Variants in JADE1 observed in about 807,000 individuals in gnomAD.
JADE1 encodes the protein jade family PHD finger 1, also known as protein Jade-1.
A neutral mutation model predicts 81.8 loss-of-function variants in JADE1; 14 were observed. The ratio of observed to expected loss-of-function variants is 0.17; its 90% CI spans 0.11 to 0.27. JADE1 has a LOEUF of 0.27. Ranked by LOEUF, JADE1 falls within the 10% of genes least tolerant of loss-of-function variation. The probability of loss-of-function intolerance (pLI) is 1.00; values close to 1 mark genes in which losing one functional copy is unlikely to be tolerated. For synonymous variants in JADE1, 353 were observed against 391.9 expected (o/e 0.90, Z 1.17); for missense variants, 690 against 1,047.9 (o/e 0.66, Z 4.71).
At chr4:128,827,892 G>T in intron 1 of JADE1, 1 of 985,208 alleles carries the variant, frequency 1.0e-6, no homozygotes, top group Non-Finnish European at 1.2e-6. Context: ...GTAATATGCT[G>T]TGTTACACAT....
intron 1 of JADE1, among the ~76,000 whole-genome samples, chr4:128,825,190 C>T (rs150847890): frequency 2.4e-3 from 373 of 152,276 alleles, no homozygotes; most frequent in Middle Eastern, 6.8e-3. Flanking sequence ...CAGGAATACA[C>T]CACCAAACCT....
intron 5 of JADE1, among the ~76,000 whole-genome samples, chr4:128,849,936 C>T (rs1191826042): frequency 1.3e-5 from 2 of 152,124 alleles, no homozygotes; most frequent in African/African-American, 4.8e-5. Context: ...AGCTTTTGTG[C>T]TGTAGGTACA....
intron 10 of JADE1, 148 bp downstream of exon 10, chr4:128,868,121 A>G (rs1731915734): frequency 2.0e-6 from 1 of 499,296 alleles, no homozygotes; most frequent in East Asian, 3.1e-5. Context: ...CTTTAATTTG[A>G]GGCATCATGT....
intron 9 of JADE1, chr4:128,862,736 C>G (rs936654719): frequency 2.0e-6 from 2 of 1,003,760 alleles, no homozygotes; most frequent in South Asian, 4.1e-5. Flanking sequence ...CACTGGCCCC[C>G]ACTTTGTTTC....
intron 5 of JADE1, among the ~76,000 whole-genome samples, chr4:128,850,158 G>A (rs1002237946): frequency 1.3e-5 from 2 of 151,600 alleles, no homozygotes; most frequent in Non-Finnish European, 2.9e-5. Flanking sequence ...GCTAGGCGTC[G>A]TGGTGGGTAT....
At chr4:128,820,311 C>T (rs2125800781) in intron 1 of JADE1, among the ~76,000 whole-genome samples, 1 of 152,182 alleles carries the variant, frequency 6.6e-6, no homozygotes, top group African/African-American at 2.4e-5. Flanking sequence ...AGGGTTTCAC[C>T]ATATTGGTCA....
rs749149316 is a variant in JADE1, at chr4:128,871,988, G to A, written c.2255G>A (p.Arg752Gln). 7.4e-6 allele frequency: 12 copies of A among 1,613,804 alleles called. No individual in the cohort carries two copies. Among genetic ancestry groups the A allele is most frequent in the Admixed American group, 1.7e-5 (1 of 59,986 alleles). ...ASPVKNWGGF[R>Q]IPKKGERQQQ... ...CCAGTGAAAAACTGGGGAGGATTCC[G>A]GATTCCAAAGAAGGGGGAACGGCAG... Residue 752 changes from arginine (R) to glutamine (Q), a missense_variant, in exon 11 of 11, where the codon CGG becomes CAG. Arg to Gln is a conservative substitution (Grantham distance 43). Transcript: ENST00000226319. This position sits in a 1 kb window ranked among gnomAD's most constrained non-coding sequence, Gnocchi z 4.1.
At chr4:128,848,649 T>TATTAAATCA (rs1487545810) in intron 4 of JADE1, among the ~76,000 whole-genome samples, 4 of 152,206 alleles carry the variant, frequency 2.6e-5, no homozygotes, top group Non-Finnish European at 5.9e-5. Context: ...GGGAAAGTGA[T>TATTAAATCA]TTAATGACTA....
chr4:128,849,209 A>T (rs747429380), intron 5 of JADE1, 42 bp downstream of exon 5: 6 of 1,523,528 alleles, frequency 3.9e-6, no homozygotes, highest in Non-Finnish European at 5.3e-6. Flanking sequence ...ACCAATGATG[A>T]ATAGAGACAT....
Position 128,813,100 on chromosome 4 carries a change from C to T in JADE1, c.-27+3223C>T, listed in dbSNP as rs1488087635. 2.0e-5 allele frequency among the ~76,000 whole-genome samples: 3 copies of T among 152,144 alleles called. No homozygotes were observed. In the East Asian group the frequency reaches 5.8e-4, roughly 29 times the overall value. ...TTTTAAGATAGAGGGAAATTATTTCCCTGAAAGCTGATTTAGGTAGTGACT... is the reference window on the plus strand; with the variant it reads ...TTTTAAGATAGAGGGAAATTATTTCTCTGAAAGCTGATTTAGGTAGTGACT... On this transcript the variant is annotated intron_variant, in intron 1 of 10. Coordinates refer to ENST00000226319, the MANE Select transcript of JADE1 (RefSeq NM_199320.4).
At chr4:128,848,829 GTT>G in intron 4 of JADE1, 149 bp from the exon 5 acceptor site, 1 of 689,894 alleles carries the variant, frequency 1.4e-6, no homozygotes, top group Non-Finnish European at 2.5e-6. Flanking sequence ...TCTAGTTAAG[GTT>G]TTATTAGCAG....
chr4:128,843,244 T>G (rs1337601804), intron 3 of JADE1, among the ~76,000 whole-genome samples: 1 of 152,252 alleles, frequency 6.6e-6, no homozygotes, highest in Non-Finnish European at 1.5e-5. Flanking sequence ...GACTAATACA[T>G]GCAAAGCATG....
intron 8 of JADE1, among the ~76,000 whole-genome samples, chr4:128,857,721 G>C (rs1226382543): frequency 6.6e-6 from 1 of 152,108 alleles, no homozygotes; most frequent in East Asian, 1.9e-4. Context: ...TTTGTCTCTC[G>C]CTACCCTTTC....
At chr4:128,810,875 G>A (rs963320470) in intron 1 of JADE1, among the ~76,000 whole-genome samples, 4 of 152,114 alleles carry the variant, frequency 2.6e-5, no homozygotes, top group African/African-American at 7.2e-5. Context: ...AGGAGTTGGC[G>A]TTGGTAGAGC....
Position 128,846,243 on chromosome 4 carries a change from A to G in JADE1, c.139-132A>G, listed in dbSNP as rs966404996. ...GCGTGTCAGGCAAAGTTTTTCTGTA[A>G]TAGGTCAGGCTTGTTCTATGTTGAT... On this transcript the variant is annotated intron_variant, in intron 3 of 10. Coordinates refer to ENST00000226319, the MANE Select transcript of JADE1 (RefSeq NM_199320.4). The surrounding 1 kb of genome is among the most constrained non-coding windows in gnomAD (Gnocchi z 4.0). 3 of 897,222 alleles carry G rather than the reference A, an allele frequency of 3.3e-6. No homozygotes were observed. The African/African-American group carries it at 5.0e-5, about 15-fold the overall frequency. The allele number at this position is 897,222 out of a possible 1,614,324, so 55.6% of individuals were successfully genotyped here. A position where few individuals can be genotyped will look rare whatever the true frequency, so the allele number is the denominator to read the frequency against.
intron 2 of JADE1, among the ~76,000 whole-genome samples, chr4:128,832,074 G>T (rs1728606139): frequency 6.6e-6 from 1 of 152,188 alleles, no homozygotes; most frequent in Non-Finnish European, 1.5e-5. Context: ...AGAGTCACTG[G>T]TGTGTCTGGT....
chr4:128,841,263 T>A (rs1039240531), intron 2 of JADE1, among the ~76,000 whole-genome samples: 34 of 151,774 alleles, frequency 2.2e-4, no homozygotes, highest in African/African-American at 8.0e-4. Flanking sequence ...AAATAGGAGG[T>A]GGAGGTGAAT....
chr4:128,869,597 A>C (rs1411344474), intron 10 of JADE1, among the ~76,000 whole-genome samples: 1 of 152,226 alleles, frequency 6.6e-6, no homozygotes, highest in African/African-American at 2.4e-5. Flanking sequence ...TGGATATTGC[A>C]GGCAGGTTTT....
Position 128,852,203 on chromosome 4 carries a change from T to A in JADE1, c.631T>A (p.Ser211Thr). ...DEDVVCDVCQSPDGEDGNEMV... is the reference protein window; with the variant it reads ...DEDVVCDVCQTPDGEDGNEMV... The stretch of plus-strand genomic sequence containing the variant: ...AGATGTTGTCTGTGATGTCTGCCAG[T>A]CTCCTGATGGTGAGGACGGCAATGA... The change falls in exon 6 of 11, where the codon TCT (serine) becomes ACT (threonine). Residue 211 changes from serine (S) to threonine (T), a missense_variant. By Grantham distance (58) the Ser-to-Thr change is moderately conservative. This residue lies in a region of JADE1 where 84 missense variants were observed against 226.6 expected (regional missense o/e 0.37). Coordinates refer to ENST00000226319, the MANE Select transcript of JADE1 (RefSeq NM_199320.4). The A allele has an allele frequency of 6.2e-7, 1 of 1,614,072 alleles. No individual in the cohort carries two copies. Among genetic ancestry groups the A allele is most frequent in the Non-Finnish European group, 8.5e-7 (1 of 1,180,000 alleles).
Sources: allele counts gnomAD v4.1 joint callset (sites outside exome capture counted in the v4.1 genomes callset), GRCh38; gene constraint gnomAD v4.1.1; regional missense constraint gnomAD v4.1.1; non-coding constraint Gnocchi (gnomAD v3.1); transcripts MANE v1.5; gene names NCBI Gene and HGNC (gene_info 2026-07-23, HGNC 2026-07-21).